Variants in RC3H2 observed in about 807,000 individuals in gnomAD.
RC3H2 encodes the protein ring finger and CCCH-type domains 2, also known as roquin-2.
A neutral mutation model predicts 133.3 loss-of-function variants in RC3H2; 31 were observed. The observed-to-expected ratio is 0.23, with a 90% CI of 0.17 to 0.31. The LOEUF (loss-of-function observed/expected upper bound fraction) is 0.31, where lower values mean the gene tolerates loss of function less well. Among genes scored for constraint, RC3H2 ranks in the 10% least tolerant of loss-of-function variants. RC3H2 has a pLI of 1.00. For synonymous variants in RC3H2, 517 were observed against 502.2 expected (o/e 1.03, Z -0.40); for missense variants, 1,175 against 1,437.2 (o/e 0.82, Z 2.95).
chr9:122,889,757 G>A (rs973102733), intron 4 of RC3H2, among the ~76,000 whole-genome samples: 6 of 151,984 alleles, frequency 3.9e-5, no homozygotes, highest in African/African-American at 1.5e-4. Flanking sequence ...TAGCTATATT[G>A]CCTATCTTGA....
At chr9:122,853,105 C>T (rs529130581) in intron 18 of RC3H2, among the ~76,000 whole-genome samples, 1 of 152,086 alleles carries the variant, frequency 6.6e-6, no homozygotes, top group African/African-American at 2.4e-5. Context: ...CTCTCTGAAA[C>T]ATGTGCTGTG....
intron 4 of RC3H2, among the ~76,000 whole-genome samples, chr9:122,886,625 A>G (rs1239945768): frequency 6.6e-6 from 1 of 152,218 alleles, no homozygotes; most frequent in East Asian, 1.9e-4. Flanking sequence ...GAAGTTCCGA[A>G]GTTACAGTGG....
At chr9:122,866,485 G>A (rs1005960574) in intron 9 of RC3H2, among the ~76,000 whole-genome samples, 2 of 150,850 alleles carry the variant, frequency 1.3e-5, no homozygotes, top group African/African-American at 4.9e-5. Context: ...CTGCCATCTC[G>A]GCTCACTGCA....
Position 122,851,420 on chromosome 9 carries a change from G to C in RC3H2, c.3134C>G (p.Thr1045Arg), listed in dbSNP as rs1830013006. 1 of 1,613,950 alleles carries C rather than the reference G, an allele frequency of 6.2e-7. No homozygotes were observed. The change falls in exon 19 of 21, where the codon ACA becomes AGA. Residue 1045 changes from threonine (T) to arginine (R), a missense_variant. Thr to Arg is a moderately conservative substitution (Grantham distance 71, BLOSUM62 -1). Around this residue, in one of 8 missense-constraint regions of RC3H2, gnomAD observed 220 missense variants for 201.1 expected, o/e 1.09. Transcript: ENST00000357244. ...AGGTTTAGTATCTGTTGCATCTTCT[G>C]TATAATCACTCTGTAACTAAGAAAA... The part of the protein sequence containing the change: ...LRNGELQSDY[T>R]EDATDTKPDR...
At chr9:122,880,903 C>T in intron 5 of RC3H2, 109 bp from the exon 6 acceptor site, 1 of 733,298 alleles carries the variant, frequency 1.4e-6, no homozygotes. Flanking sequence ...TATCAGACAC[C>T]ACAGAAATAA....
Position 122,851,094 on chromosome 9 carries a change from C to T in RC3H2, c.3367G>A (p.Asp1123Asn). Residue 1123 changes from aspartate (D) to asparagine (N), a missense_variant, in exon 20 of 21, where the codon GAC becomes AAC. Asp to Asn is a conservative substitution (Grantham distance 23). Transcript: ENST00000357244. ...PKQKKQSLGEDHVILEEQKTI... is the reference protein window; with the variant it reads ...PKQKKQSLGENHVILEEQKTI... ...TCTAACACTCACAGAATCACATGGT[C>T]TTCACCTAAACTCTGTTTCTTCTGC... is the stretch of plus-strand genomic sequence containing the variant. The T allele has an allele frequency of 6.2e-7, 1 of 1,614,150 alleles. No homozygotes were observed. Among genetic ancestry groups the T allele is most frequent in the Non-Finnish European group, 8.5e-7 (1 of 1,180,038 alleles).
intron 1 of RC3H2, among the ~76,000 whole-genome samples, chr9:122,899,247 C>T (rs1360601550): frequency 6.6e-6 from 1 of 151,862 alleles, no homozygotes; most frequent in Admixed American, 6.6e-5. Context: ...GGACGGCACC[C>T]ACCATCATGC....
At position 122,865,625 on chromosome 9, in the gene RC3H2, G is replaced by C; in HGVS notation, c.1358C>G (p.Thr453Ser). ...YRLRNKKINA[T>S]VRTFPLLNKV... ...ATTTAGAAGAGGAAACGTTCTTACA[G>C]TGGCATTGATCTTTTTGTTCCTTAA... Residue 453 changes from threonine (T) to serine (S), a missense_variant, in exon 10 of 21, where the codon ACT (threonine) becomes AGT (serine). Around this residue, in one of 8 missense-constraint regions of RC3H2, gnomAD observed 490 missense variants for 492.8 expected, o/e 0.99. Transcript: ENST00000357244. 1 of 1,613,312 alleles carries C rather than the reference G, an allele frequency of 6.2e-7. No individual in the cohort carries two copies.
intron 3 of RC3H2, among the ~76,000 whole-genome samples, chr9:122,891,189 T>G (rs1189151715): frequency 6.6e-6 from 1 of 151,714 alleles, no homozygotes; most frequent in Non-Finnish European, 1.5e-5. Flanking sequence ...CTGGCTAATT[T>G]TTTTTGTATT....
chr9:122,860,796 G>T (rs1290824085), intron 10 of RC3H2, among the ~76,000 whole-genome samples: 1 of 151,634 alleles, frequency 6.6e-6, no homozygotes, highest in African/African-American at 2.4e-5. Flanking sequence ...GTTCTCAACC[G>T]AAAAAATATA....
chr9:122,855,918 C>G, intron 13 of RC3H2, 40 bp from the exon 14 acceptor site: 1 of 1,538,578 alleles, frequency 6.5e-7, no homozygotes, highest in Non-Finnish European at 8.8e-7. Flanking sequence ...TAGTAAGAAG[C>G]TTAAATTTAC....
intron 2 of RC3H2, among the ~76,000 whole-genome samples, chr9:122,897,062 A>G (rs1306360432): frequency 6.6e-6 from 1 of 150,748 alleles, no homozygotes; most frequent in Admixed American, 6.6e-5. Context: ...GCCACATAAG[A>G]TACACTAACA....
chr9:122,905,042 C>T (rs1832789562), intron 1 of RC3H2, 68 bp downstream of exon 1: 1 of 966,276 alleles, frequency 1.0e-6, no homozygotes, highest in Non-Finnish European at 1.2e-6. Context: ...ACTGGTCTCC[C>T]GCCCGACCGC....
At chr9:122,882,766 A>G (rs564809933) in intron 5 of RC3H2, among the ~76,000 whole-genome samples, 1 of 152,362 alleles carries the variant, frequency 6.6e-6, no homozygotes, top group African/African-American at 2.4e-5. Context: ...TGTATCTGAG[A>G]TAACATGTAG....
Position 122,905,125 on chromosome 9 carries a change from C to A in RC3H2, c.-83G>T. 2.0e-6 allele frequency: 2 copies of A among 985,370 alleles called. No homozygotes were observed. Among genetic ancestry groups the A allele is most frequent in the Non-Finnish European group, 2.4e-6 (2 of 829,906 alleles). 61.0% of individuals were successfully genotyped at this position (985,370 alleles called of 1,614,324 possible). On this transcript the variant is annotated 5_prime_UTR_variant, in exon 1 of 21. Transcript: ENST00000357244. ...CCCGCCCTACCTGAGGGGGCCCGGG[C>A]GGGGTCGCTAAGGGCCGCTCCCGGG...
Position 122,897,566 on chromosome 9 carries a change from T to C in RC3H2, c.-57A>G, listed in dbSNP as rs1832477307. 6.4e-6 allele frequency: 10 copies of C among 1,550,996 alleles called. No individual in the cohort carries two copies. The East Asian group carries it at 9.4e-5, about 15-fold the overall frequency. ...AGCAGATCATTATTTTGCTGTGTAG[T>C]GTTTTGTAAGCTAGAAATGGACAAA... On this transcript the variant is annotated 5_prime_UTR_variant, in exon 2 of 21. Coordinates refer to ENST00000357244, the MANE Select transcript of RC3H2 (RefSeq NM_001100588.3).
intron 9 of RC3H2, among the ~76,000 whole-genome samples, chr9:122,876,684 AT>A (rs1831354359): frequency 6.6e-6 from 1 of 152,102 alleles, no homozygotes; most frequent in African/African-American, 2.4e-5. Context: ...GCTGGGATCA[AT>A]TTTTTGGTGA....
Position 122,858,946 on chromosome 9 carries a change from G to T in RC3H2, c.2006C>A (p.Ser669Tyr), listed in dbSNP as rs1830353102. The stretch of plus-strand genomic sequence containing the variant: ...CGGAGGAGGAGGCTGGTAAGGAGAA[G>T]AATTCATTCGATCTCGAGGGGAAAA... The part of the protein sequence containing the change: ...STFSPRDRMN[S>Y]SPYQPPPPQP... The change falls in exon 12 of 21, where the codon TCT becomes TAT. Residue 669 changes from serine (S) to tyrosine (Y), a missense_variant. Transcript: ENST00000357244. 12 of 1,614,094 alleles carry T rather than the reference G, an allele frequency of 7.4e-6. No homozygotes were observed. The highest frequency in any genetic ancestry group is 2.7e-5 in the African/African-American group (2 of 74,932).
At chr9:122,852,169 A>G (rs1389636478) in intron 18 of RC3H2, among the ~76,000 whole-genome samples, 1 of 131,324 alleles carries the variant, frequency 7.6e-6, no homozygotes, top group Non-Finnish European at 1.6e-5. Flanking sequence ...GGATGTGAGG[A>G]ATGCCTCTGC....
Sources: gnomAD v4.1 joint callset for allele counts (sites outside exome capture counted in the v4.1 genomes callset) on GRCh38, gnomAD v4.1.1 for gene constraint, gnomAD v4.1.1 regional missense constraint, MANE v1.5 for transcripts, NCBI Gene and HGNC (gene_info 2026-07-23, HGNC 2026-07-21) for gene names.